COL28A1: variants seen among roughly 807,000 people sequenced by gnomAD.
COL28A1 encodes the protein collagen type XXVIII alpha 1 chain.
COL28A1 carries 161 observed loss-of-function variants against 150.2 expected under a neutral mutation model. The observed-to-expected ratio is 1.07, with a 90% CI of 0.94 to 1.22. COL28A1 has a LOEUF of 1.22. Ranked by LOEUF, COL28A1 falls within the 50% of genes most tolerant of loss-of-function variation. The pLI is 0.00. For synonymous variants in COL28A1, 552 were observed against 469.7 expected (o/e 1.18, Z -2.26); for missense variants, 1,617 against 1,388.3 (o/e 1.16, Z -2.62).
intron 18 of COL28A1, among the ~76,000 whole-genome samples, chr7:7,448,526 C>A (rs1583399807): frequency 6.6e-6 from 1 of 151,582 alleles, no homozygotes; most frequent in Non-Finnish European, 1.5e-5. Flanking sequence ...GAATACCTAC[C>A]TTCTGACCTA....
intron 6 of COL28A1, among the ~76,000 whole-genome samples, chr7:7,519,262 G>A (rs1355804610): frequency 1.3e-5 from 2 of 152,014 alleles, no homozygotes; most frequent in Non-Finnish European, 2.9e-5. Context: ...GATCTCATGT[G>A]ACTTACTCAC....
intron 25 of COL28A1, among the ~76,000 whole-genome samples, 191 bp downstream of exon 25, chr7:7,432,282 C>T (rs1229781095): frequency 6.6e-6 from 1 of 152,170 alleles, no homozygotes; most frequent in East Asian, 1.9e-4. Flanking sequence ...AGAAGGAGGA[C>T]CCAAACCATA....
chr7:7,424,922 C>G (rs771719057), intron 25 of COL28A1, among the ~76,000 whole-genome samples: 1 of 151,974 alleles, frequency 6.6e-6, no homozygotes, highest in East Asian at 1.9e-4. Context: ...AATTTTAACT[C>G]CTTTAAAAAT....
At chr7:7,445,169 C>G (rs1239310147) in intron 18 of COL28A1, among the ~76,000 whole-genome samples, 1 of 152,150 alleles carries the variant, frequency 6.6e-6, no homozygotes, top group Non-Finnish European at 1.5e-5. Flanking sequence ...AACCTATTTT[C>G]TTTATAAATT....
intron 16 of COL28A1, 138 bp downstream of exon 16, chr7:7,455,906 A>G (rs149817316): frequency 8.9e-7 from 1 of 1,129,478 alleles, no homozygotes; most frequent in East Asian, 2.9e-5. Flanking sequence ...CCTTCCCTAT[A>G]TTCACTTCTG....
rs181929753 is a variant in COL28A1 at position 7,514,208 on chromosome 7, C to T, written c.882+1606G>A. ...CCACCCACTATTTTCCTCAACTATA[C>T]ACACAGTTGATAATTTTACAACTGT... On this transcript the variant is annotated intron_variant, in intron 8 of 34. Transcript: ENST00000399429. Among the ~76,000 whole-genome samples the T allele has an allele frequency of 4.6e-3, 703 of 152,320 alleles. 5 individuals are homozygous for T. The highest frequency in any genetic ancestry group is 0.022 in the East Asian group (116 of 5,184).
the COL28A1 span, among the ~76,000 whole-genome samples, chr7:7,350,066 G>A: frequency 6.6e-6 from 1 of 151,962 alleles, no homozygotes; most frequent in Non-Finnish European, 1.5e-5. Context: ...GAATATGGAG[G>A]GCCCTTAACG....
chr7:7,422,440 C>T (rs1207823747), intron 25 of COL28A1, among the ~76,000 whole-genome samples: 2 of 152,014 alleles, frequency 1.3e-5, no homozygotes, highest in African/African-American at 4.8e-5. Context: ...ATCAGCCTGG[C>T]CAATGTAATG....
chr7:7,456,232 A>T (rs75544134), intron 15 of COL28A1, 120 bp from the exon 16 acceptor site: 2 of 1,277,894 alleles, frequency 1.6e-6, no homozygotes, highest in Non-Finnish European at 2.1e-6. Flanking sequence ...AAAATTCAAC[A>T]TGGAAAATTA....
chr7:7,527,077 A>C (rs2115233919), intron 3 of COL28A1, among the ~76,000 whole-genome samples: 1 of 152,364 alleles, frequency 6.6e-6, no homozygotes, highest in South Asian at 2.1e-4. Context: ...AATATGTGGC[A>C]TAAGGCTTAA....
At chr7:7,542,622 G>T in the COL28A1 span, among the ~76,000 whole-genome samples, 1 of 152,312 alleles carries the variant, frequency 6.6e-6, no homozygotes, top group South Asian at 2.1e-4. Flanking sequence ...AGGAGCAGAG[G>T]ATAAACAGTG....
chr7:7,510,954 T>G (rs1312671693), intron 9 of COL28A1, 137 bp downstream of exon 9: 3 of 703,280 alleles, frequency 4.3e-6, no homozygotes, highest in Non-Finnish European at 7.6e-6. Flanking sequence ...CCACATGTTT[T>G]ACAGATGTGA....
chr7:7,406,441 G>C (rs1053566278), intron 27 of COL28A1, among the ~76,000 whole-genome samples: 2 of 152,152 alleles, frequency 1.3e-5, no homozygotes, highest in Admixed American at 6.5e-5. Flanking sequence ...GGGAAGGAGA[G>C]GGGGATAAAA....
intron 27 of COL28A1, among the ~76,000 whole-genome samples, chr7:7,383,682 G>GTATATATATATATATATATATA (rs772285848): frequency 2.4e-5 from 3 of 124,100 alleles, no homozygotes; most frequent in South Asian, 2.7e-4. Flanking sequence ...GTGTGTGTGT[G>GTATATATATATATATATATATA]TATATATATA....
chr7:7,507,056 T>C (rs555622612), intron 10 of COL28A1, 61 bp downstream of exon 10: 1 of 830,860 alleles, frequency 1.2e-6, no homozygotes, highest in South Asian at 1.4e-5. Flanking sequence ...GGCAAGGGGA[T>C]GGTTTAAAAA....
At chr7:7,423,327 CTTAA>C (rs1458646660) in intron 25 of COL28A1, among the ~76,000 whole-genome samples, 6 of 152,138 alleles carry the variant, frequency 3.9e-5, no homozygotes, top group Non-Finnish European at 5.9e-5. Flanking sequence ...TTTGTGCATG[CTTAA>C]TTTTCATAAT....
At chr7:7,427,205 C>A (rs879588041) in intron 25 of COL28A1, among the ~76,000 whole-genome samples, 4 of 152,174 alleles carry the variant, frequency 2.6e-5, no homozygotes, top group Admixed American at 6.5e-5. Flanking sequence ...TGGGGAGTAA[C>A]CTTGAATAGT....
At chr7:7,435,867 T>C (rs922843936) in intron 23 of COL28A1, among the ~76,000 whole-genome samples, 12 of 152,162 alleles carry the variant, frequency 7.9e-5, no homozygotes, top group African/African-American at 2.9e-4. Flanking sequence ...AGGAATGCTA[T>C]ACATGCTGAA....
At chr7:7,421,576 G>C (rs1226987459) in intron 25 of COL28A1, among the ~76,000 whole-genome samples, 3 of 152,146 alleles carry the variant, frequency 2.0e-5, no homozygotes, top group Non-Finnish European at 4.4e-5. Context: ...CAGCTAAACA[G>C]CTTCCAGCTT....
Sources: gnomAD v4.1 joint callset for allele counts (sites outside exome capture counted in the v4.1 genomes callset) on GRCh38, gnomAD v4.1.1 for gene constraint, MANE v1.5 for transcripts, NCBI Gene and HGNC (gene_info 2026-07-23, HGNC 2026-07-21) for gene names.